CHODL: variants seen among roughly 807,000 people sequenced by gnomAD.
CHODL encodes the protein transmembrane protein MT75.
Under a neutral mutation model 34.5 loss-of-function variants are expected in CHODL, and 29 were observed. That is an observed-to-expected ratio of 0.84 (90% CI 0.63 to 1.15). The LOEUF is 1.15. Among genes scored for constraint, CHODL ranks in the 50% most tolerant of loss-of-function variants. The pLI, the probability that CHODL is intolerant of heterozygous loss-of-function variation, is 0.00. For synonymous variants in CHODL, 125 were observed against 116.1 expected (o/e 1.08, Z -0.49); for missense variants, 332 against 332.5 (o/e 1.00, Z 0.01).
At chr21:18,018,783 G>C (rs2064099875) in intron 1 of CHODL, among the ~76,000 whole-genome samples, 1 of 152,130 alleles carries the variant, frequency 6.6e-6, no homozygotes, top group Non-Finnish European at 1.5e-5. Flanking sequence ...AATTATTTTT[G>C]CACCAGCCTA....
chr21:18,254,024 T>G (rs1463425883), intron 1 of CHODL, among the ~76,000 whole-genome samples: 2 of 152,140 alleles, frequency 1.3e-5, no homozygotes, highest in Non-Finnish European at 2.9e-5. Flanking sequence ...TTCTGTGCCT[T>G]TCTCCCTCTG....
At chr21:17,944,639 T>C (rs2146334592) in intron 1 of CHODL, among the ~76,000 whole-genome samples, 2 of 152,212 alleles carry the variant, frequency 1.3e-5, no homozygotes, top group South Asian at 4.2e-4. Flanking sequence ...AGGGGGTATA[T>C]CTTGTGGCCA....
intron 1 of CHODL, among the ~76,000 whole-genome samples, chr21:18,016,683 C>T (rs2064077460): frequency 6.6e-6 from 1 of 152,196 alleles, no homozygotes; most frequent in African/African-American, 2.4e-5. Flanking sequence ...CACCATTCTT[C>T]AGAACCCAGG....
intron 2 of CHODL, among the ~76,000 whole-genome samples, chr21:18,201,464 C>CA (rs143160487): frequency 0.17 from 25,315 of 145,916 alleles, 2,652 homozygotes; most frequent in African/African-American, 0.31. Context: ...AATTTAATAA[C>CA]AAAAAAAAAA....
At chr21:18,009,887 C>CAAAA (rs71189575) in intron 1 of CHODL, among the ~76,000 whole-genome samples, 1 of 94,800 alleles carries the variant, frequency 1.1e-5, no homozygotes, top group Non-Finnish European at 2.0e-5. Flanking sequence ...GACTCCGTCT[C>CAAAA]AAAAAAAAAA....
At chr21:18,014,720 C>G (rs2064054814) in intron 1 of CHODL, among the ~76,000 whole-genome samples, 1 of 152,186 alleles carries the variant, frequency 6.6e-6, no homozygotes, top group Non-Finnish European at 1.5e-5. Context: ...GTGCTTACTC[C>G]TGCTTTGTCT....
At position 18,256,585 on chromosome 21, in the gene CHODL, G is replaced by A. The variant is rs776681696; in HGVS notation, c.156G>A (p.Val52=). 6.2e-7 allele frequency: 1 copy of A among 1,613,854 alleles called. No homozygotes were observed. Among genetic ancestry groups the A allele is most frequent in the South Asian group, 1.1e-5 (1 of 91,062 alleles). The part of the protein sequence containing the change: ...MAYFHELSSR[V]SFQEARLACE... ...ACTTCCATGAACTGTCCAGCCGAGTGAGCTTTCAGGAGGCACGCCTGGCTT... is the reference window on the plus strand; with the variant it reads ...ACTTCCATGAACTGTCCAGCCGAGTAAGCTTTCAGGAGGCACGCCTGGCTT... Residue 52 remains valine, a synonymous_variant, in exon 2 of 6, where the codon GTG becomes GTA. Transcript: ENST00000299295.
At chr21:18,256,893 AGAGGATGTCAGAGTAG>A in intron 2 of CHODL, 61 bp from the exon 3 acceptor site, 1 of 1,579,546 alleles carries the variant, frequency 6.3e-7, no homozygotes, top group Non-Finnish European at 8.6e-7. Context: ...TGTTACCTGT[AGAGGATGTCAGAGTAG>A]GACAGGCAGA....
At chr21:18,124,629 T>G (rs1028268) in intron 2 of CHODL, among the ~76,000 whole-genome samples, 1 of 152,136 alleles carries the variant, frequency 6.6e-6, no homozygotes, top group Non-Finnish European at 1.5e-5. Context: ...AATGTTATAC[T>G]ATCAAACAAG....
At chr21:18,192,480 T>G (rs954121327) in intron 2 of CHODL, among the ~76,000 whole-genome samples, 1 of 152,226 alleles carries the variant, frequency 6.6e-6, no homozygotes, top group South Asian at 2.1e-4. Flanking sequence ...AAGTTTCGCA[T>G]GAAAGGCAAA....
At chr21:18,209,860 C>T (rs1320952065) in intron 2 of CHODL, among the ~76,000 whole-genome samples, 2 of 152,056 alleles carry the variant, frequency 1.3e-5, no homozygotes, top group Admixed American at 1.3e-4. Context: ...TAGGACTCTG[C>T]CTGGTGCCCT....
chr21:17,977,876 G>A (rs1420709564), intron 1 of CHODL, among the ~76,000 whole-genome samples: 2 of 117,070 alleles, frequency 1.7e-5, no homozygotes, highest in Admixed American at 1.1e-4. Flanking sequence ...CCGAGATCGC[G>A]CCACTGCATT....
chr21:18,210,428 C>T (rs374475287), intron 2 of CHODL, among the ~76,000 whole-genome samples: 3 of 152,134 alleles, frequency 2.0e-5, no homozygotes, highest in Non-Finnish European at 2.9e-5. Flanking sequence ...ACTCCTTCAG[C>T]GATATGAGGT....
chr21:18,097,438 C>T (rs949871785), intron 2 of CHODL, among the ~76,000 whole-genome samples: 2 of 151,938 alleles, frequency 1.3e-5, no homozygotes, highest in Admixed American at 6.6e-5. Flanking sequence ...AGTGAACAAA[C>T]TGAAAAACAG....
At chr21:18,140,935 C>T (rs1365858656) in intron 2 of CHODL, among the ~76,000 whole-genome samples, 4 of 151,912 alleles carry the variant, frequency 2.6e-5, no homozygotes. Flanking sequence ...TCAGAATGTT[C>T]TGGCACAGAT....
intron 2 of CHODL, among the ~76,000 whole-genome samples, chr21:18,193,412 T>C (rs1171258451): frequency 6.6e-6 from 1 of 152,066 alleles, no homozygotes; most frequent in Non-Finnish European, 1.5e-5. Context: ...AACAAATCCT[T>C]TGGCTAGGTG....
intron 2 of CHODL, among the ~76,000 whole-genome samples, chr21:18,063,838 T>C (rs2064698106): frequency 6.6e-6 from 1 of 152,156 alleles, no homozygotes; most frequent in Non-Finnish European, 1.5e-5. Flanking sequence ...GTATCTACCT[T>C]CTTTCTCTGC....
intron 1 of CHODL, among the ~76,000 whole-genome samples, chr21:18,026,784 C>A (rs1247039077): frequency 6.6e-6 from 1 of 152,138 alleles, no homozygotes; most frequent in Admixed American, 6.6e-5. Flanking sequence ...ATGCTATGTG[C>A]ACTGTAATGT....
At chr21:18,021,424 C>T (rs1224726774) in intron 1 of CHODL, among the ~76,000 whole-genome samples, 1 of 152,182 alleles carries the variant, frequency 6.6e-6, no homozygotes, top group African/African-American at 2.4e-5. Flanking sequence ...CTCTAGTCTA[C>T]CTTGTCCAGC....
Sources: allele counts gnomAD v4.1 joint callset (sites outside exome capture counted in the v4.1 genomes callset), GRCh38; gene constraint gnomAD v4.1.1; transcripts MANE v1.5; gene names NCBI Gene and HGNC (gene_info 2026-07-23, HGNC 2026-07-21).